PCDH9: variants seen among roughly 807,000 people sequenced by gnomAD.
PCDH9 encodes protocadherin 9, also known as protocadherin-9.
In PCDH9, 24 loss-of-function variants were observed where a neutral mutation model predicts 70.6. That is an observed-to-expected ratio of 0.34 (90% CI 0.25 to 0.48). The LOEUF is 0.48. PCDH9 is among the 20% of genes least tolerant of loss of function. PCDH9 has a pLI of 0.99. For synonymous variants in PCDH9, 562 were observed against 558.5 expected, an observed-to-expected ratio of 1.01 and a Z score of -0.09; for missense variants, 1,281 against 1,503.6, an observed-to-expected ratio of 0.85 and a Z score of 2.45.
chr13:66,802,638 C>G (rs1395910986), intron 3 of PCDH9, among the ~76,000 whole-genome samples: 1 of 151,970 alleles, frequency 6.6e-6, no homozygotes, highest in African/African-American at 2.4e-5. Flanking sequence ...GTTAATATTT[C>G]TCTCACAAGA....
chr13:66,585,183 C>T (rs1172894302), intron 4 of PCDH9, among the ~76,000 whole-genome samples: 1 of 151,862 alleles, frequency 6.6e-6, no homozygotes, highest in African/African-American at 2.4e-5. Flanking sequence ...GTGGTGCATG[C>T]ATTTATTTAT....
chr13:67,022,792 C>T (rs896545724), intron 2 of PCDH9, among the ~76,000 whole-genome samples: 2 of 151,242 alleles, frequency 1.3e-5, no homozygotes, highest in African/African-American at 4.9e-5. Context: ...GTGTCCTCTC[C>T]GTTAGAGAAA....
chr13:66,472,211 CA>C (rs34935198), intron 4 of PCDH9, among the ~76,000 whole-genome samples: 63,786 of 111,914 alleles, frequency 0.57, 16,891 homozygotes, highest in East Asian at 0.8. Context: ...GACTCCATCT[CA>C]AAAAAAAAAA....
chr13:66,849,395 C>T (rs900396715), intron 3 of PCDH9, among the ~76,000 whole-genome samples: 2 of 151,070 alleles, frequency 1.3e-5, no homozygotes, highest in Admixed American at 6.6e-5. Context: ...TGTGATAAGA[C>T]ATTCAAGGAT....
At chr13:66,441,725 A>T (rs963322891) in intron 4 of PCDH9, among the ~76,000 whole-genome samples, 5 of 152,036 alleles carry the variant, frequency 3.3e-5, no homozygotes, top group African/African-American at 1.2e-4. Flanking sequence ...TTATGATTAA[A>T]TTTATTACAG....
chr13:67,155,850 A>T (rs908786906), intron 2 of PCDH9, among the ~76,000 whole-genome samples: 1 of 152,060 alleles, frequency 6.6e-6, no homozygotes, highest in Non-Finnish European at 1.5e-5. Flanking sequence ...TCTAAATTCT[A>T]TTCATACCTT....
chr13:66,687,768 A>T (rs1168292004), intron 3 of PCDH9, among the ~76,000 whole-genome samples: 2 of 152,134 alleles, frequency 1.3e-5, no homozygotes, highest in African/African-American at 4.8e-5. Flanking sequence ...TTCCAAAAAT[A>T]ATCAGTAAAT....
chr13:66,687,804 T>A (rs887461129), intron 3 of PCDH9, among the ~76,000 whole-genome samples: 3 of 152,212 alleles, frequency 2.0e-5, no homozygotes, highest in Non-Finnish European at 4.4e-5. Flanking sequence ...CCTCAACTGC[T>A]CCCCTTTTGT....
intron 2 of PCDH9, among the ~76,000 whole-genome samples, chr13:66,996,623 T>G (rs184884383): frequency 2.0e-4 from 30 of 152,314 alleles, no homozygotes; most frequent in African/African-American, 6.7e-4. Context: ...AAATTAAGTT[T>G]ATGTGTATGC....
At chr13:67,159,112 T>C (rs1305483568) in intron 2 of PCDH9, among the ~76,000 whole-genome samples, 3 of 152,114 alleles carry the variant, frequency 2.0e-5, no homozygotes, top group African/African-American at 7.2e-5. Context: ...TCAGCAAAAT[T>C]AGACGATTTC....
chr13:67,190,504 C>A (rs1593593105), intron 2 of PCDH9, among the ~76,000 whole-genome samples: 1 of 151,936 alleles, frequency 6.6e-6, no homozygotes, highest in African/African-American at 2.4e-5. Context: ...GGAAACTGAG[C>A]AATTAATGAA....
intron 4 of PCDH9, among the ~76,000 whole-genome samples, chr13:66,384,822 T>A (rs989046448): frequency 2.4e-5 from 3 of 123,460 alleles, no homozygotes; most frequent in Non-Finnish European, 5.4e-5. Context: ...CTGCCACCAC[T>A]CCCAGATAAT....
intron 2 of PCDH9, among the ~76,000 whole-genome samples, chr13:67,101,923 C>T (rs1270810278): frequency 1.3e-5 from 2 of 152,036 alleles, no homozygotes; most frequent in Non-Finnish European, 2.9e-5. Context: ...AATACCAACG[C>T]TGTTGAGTAA....
chr13:66,436,932 T>C (rs753095912), intron 4 of PCDH9, among the ~76,000 whole-genome samples: 30 of 151,976 alleles, frequency 2.0e-4, no homozygotes, highest in Admixed American at 5.2e-4. Context: ...AAAAAAGTTA[T>C]AATAAAACAT....
intron 2 of PCDH9, among the ~76,000 whole-genome samples, chr13:67,044,894 C>T (rs1269697554): frequency 1.3e-5 from 2 of 151,988 alleles, no homozygotes; most frequent in African/African-American, 4.8e-5. Context: ...ACTAAAAATA[C>T]AAAAGATATG....
intron 2 of PCDH9, among the ~76,000 whole-genome samples, chr13:67,030,058 T>A (rs564951002): frequency 6.6e-6 from 1 of 152,256 alleles, no homozygotes; most frequent in East Asian, 1.9e-4. Context: ...CTCATGCATA[T>A]CCTGCTCTGG....
intron 3 of PCDH9, among the ~76,000 whole-genome samples, chr13:66,666,749 A>T (rs993858153): frequency 1.3e-5 from 2 of 152,220 alleles, no homozygotes; most frequent in African/African-American, 2.4e-5. Flanking sequence ...AGAATCAGAG[A>T]TCTTCACATT....
intron 3 of PCDH9, among the ~76,000 whole-genome samples, chr13:66,772,113 T>G (rs529908110): frequency 6.6e-6 from 1 of 152,290 alleles, no homozygotes; most frequent in African/African-American, 2.4e-5. Flanking sequence ...GAAAAAATAT[T>G]ATATCAGCTT....
intron 3 of PCDH9, among the ~76,000 whole-genome samples, chr13:66,660,390 T>A (rs1486155608): frequency 6.6e-6 from 1 of 152,122 alleles, no homozygotes; most frequent in African/African-American, 2.4e-5. Context: ...CTGCAGTAGA[T>A]AAGGTCTCCT....
Sources: gnomAD v4.1 joint callset for allele counts (sites outside exome capture counted in the v4.1 genomes callset) on GRCh38, gnomAD v4.1.1 for gene constraint, MANE v1.5 for transcripts, NCBI Gene and HGNC (gene_info 2026-07-23, HGNC 2026-07-21) for gene names.